Variants in ZBTB16 observed in about 807,000 individuals in gnomAD.
ZBTB16 encodes zinc finger and BTB domain containing 16.
ZBTB16 carries 8 observed loss-of-function variants against 56.8 expected under a neutral mutation model. The ratio of observed to expected loss-of-function variants is 0.14; its 90% CI spans 0.08 to 0.25. ZBTB16 has a LOEUF of 0.25. Among genes scored for constraint, ZBTB16 ranks in the 10% least tolerant of loss-of-function variants. The pLI, the probability that ZBTB16 is intolerant of heterozygous loss-of-function variation, is 1.00. For synonymous variants in ZBTB16, 363 were observed against 368.5 expected, an observed-to-expected ratio of 0.98 and a Z score of 0.17; for missense variants, 625 against 903.0, an observed-to-expected ratio of 0.69 and a Z score of 3.95.
At chr11:114,243,864 A>G (rs1565706515) in intron 5 of ZBTB16, among the ~76,000 whole-genome samples, 1 of 152,212 alleles carries the variant, frequency 6.6e-6, no homozygotes, top group South Asian at 2.1e-4. Context: ...TGACCATGCC[A>G]CCTTCTCAGA....
In ZBTB16 at chr11:114,253,566, C is replaced by T. The variant is rs1232122468; in HGVS notation, c.*3011C>T. On this transcript the variant is annotated 3_prime_UTR_variant, in exon 7 of 7. Transcript: ENST00000335953. ...TGGTACTAAATCAGCACCTGGATGC[C>T]CCACCCAACCCCGTGGGCCCTGCAG... Among the ~76,000 whole-genome samples, 1 of 152,142 alleles carries T rather than the reference C, an allele frequency of 6.6e-6. No homozygotes were observed. The highest frequency in any genetic ancestry group is 1.9e-4 in the East Asian group (1 of 5,186).
chr11:114,127,340 A>G (rs1255235321), intron 2 of ZBTB16, among the ~76,000 whole-genome samples: 1 of 152,182 alleles, frequency 6.6e-6, no homozygotes, highest in Non-Finnish European at 1.5e-5. Context: ...TGTGCGTGTG[A>G]AAATTCCTCA....
At chr11:114,114,278 C>T (rs1434760591) in intron 2 of ZBTB16, among the ~76,000 whole-genome samples, 3 of 152,220 alleles carry the variant, frequency 2.0e-5, no homozygotes, top group Admixed American at 1.3e-4. Context: ...AGGAAATTTA[C>T]AAGCGATGTT....
At chr11:114,191,960 G>C (rs1201788292) in intron 4 of ZBTB16, among the ~76,000 whole-genome samples, 1 of 152,218 alleles carries the variant, frequency 6.6e-6, no homozygotes, top group African/African-American at 2.4e-5. Context: ...ACTGACCATA[G>C]AGAGTGTTGT....
chr11:114,063,923 C>G lies in ZBTB16; in HGVS notation c.623C>G (p.Thr208Ser). ...AAGGCTGCAGTGGACAGTTTGATGA[C>G]CATAGGACAGTCTCTCCTGCAGGGA... Reference protein sequence around the residue: ...PTKAAVDSLMTIGQSLLQGTL... With the variant: ...PTKAAVDSLMSIGQSLLQGTL... The change falls in exon 2 of 7, where the codon ACC (threonine) becomes AGC (serine). Residue 208 changes from threonine to serine, a missense_variant. This residue lies in a region of ZBTB16 where 384 missense variants were observed against 393.5 expected (regional missense o/e 0.98). Transcript: ENST00000335953. The surrounding 1 kb of genome is among the most constrained non-coding windows in gnomAD (Gnocchi z 6.5). 1 of 1,613,904 alleles carries G rather than the reference C, an allele frequency of 6.2e-7. No homozygotes were observed. Among genetic ancestry groups the G allele is most frequent in the Non-Finnish European group, 8.5e-7 (1 of 1,180,022 alleles).
At chr11:114,078,975 G>C (rs1475875813) in intron 2 of ZBTB16, among the ~76,000 whole-genome samples, 1 of 151,354 alleles carries the variant, frequency 6.6e-6, no homozygotes. Context: ...AATCGCTTGG[G>C]ATTACAGGTG....
rs755612134 is a variant in ZBTB16, at chr11:114,063,688, G to A, written c.388G>A (p.Asp130Asn). ...KMLETIQASD[D>N]NDTEATMADG... ...GCTGGAGACCATCCAGGCCTCAGACGACAATGACACGGAGGCCACCATGGC... is the reference window on the plus strand; with the variant it reads ...GCTGGAGACCATCCAGGCCTCAGACAACAATGACACGGAGGCCACCATGGC... The change falls in exon 2 of 7, where the codon GAC becomes AAC. Residue 130 changes from aspartate to asparagine, a missense_variant. By Grantham distance (23) the Asp-to-Asn change is conservative. Around this residue, in one of 6 missense-constraint regions of ZBTB16, gnomAD observed 384 missense variants for 393.5 expected, o/e 0.98. Transcript: ENST00000335953. The surrounding 1 kb of genome is among the most constrained non-coding windows in gnomAD (Gnocchi z 6.5). 23 of 1,613,960 alleles carry A rather than the reference G, an allele frequency of 1.4e-5. No individual in the cohort carries two copies. Among genetic ancestry groups the A allele is most frequent in the Admixed American group, 8.3e-5 (5 of 60,002 alleles).
At chr11:114,182,384 A>T (rs1447294145) in intron 3 of ZBTB16, among the ~76,000 whole-genome samples, 3 of 152,048 alleles carry the variant, frequency 2.0e-5, no homozygotes, top group Non-Finnish European at 4.4e-5. Context: ...TTTATCACTT[A>T]TCACCACCTG....
chr11:114,242,744 T>G (rs895252871), intron 5 of ZBTB16, among the ~76,000 whole-genome samples: 1 of 152,140 alleles, frequency 6.6e-6, no homozygotes, highest in South Asian at 2.1e-4. Context: ...CTGCCCTGCC[T>G]CCCACCACTC....
chr11:114,084,196 T>C (rs1314688297), intron 2 of ZBTB16, among the ~76,000 whole-genome samples: 1 of 152,188 alleles, frequency 6.6e-6, no homozygotes, highest in Non-Finnish European at 1.5e-5. Flanking sequence ...ATTTCATTTT[T>C]TGGTGGCAGT....
chr11:114,064,449 G>A lies in ZBTB16; in HGVS notation c.1149G>A (p.Glu383=), dbSNP rs866952200. 6.2e-6 allele frequency: 10 copies of A among 1,614,152 alleles called. 2 individuals carry two copies. The Middle Eastern group carries it at 1.6e-3, about 266-fold the overall frequency. ...TGCCCCAGGGCTTCATCCAGAGGGA[G>A]CTGTTCAGCAAGCTGGGGGAGCTGG... ...GLLPQGFIQR[E]LFSKLGELAV... The change falls in exon 2 of 7, where the codon GAG becomes GAA. Residue 383 remains glutamate, a synonymous_variant. Transcript: ENST00000335953. The surrounding 1 kb of genome is among the most constrained non-coding windows in gnomAD (Gnocchi z 4.2).
intron 4 of ZBTB16, among the ~76,000 whole-genome samples, chr11:114,194,205 T>C (rs749947540): frequency 2.6e-5 from 4 of 152,242 alleles, no homozygotes; most frequent in African/African-American, 4.8e-5. Context: ...AAGGCTGCCA[T>C]GTGGGAGTTC....
intron 4 of ZBTB16, among the ~76,000 whole-genome samples, chr11:114,229,482 A>G (rs1944394607): frequency 6.6e-6 from 1 of 152,166 alleles, no homozygotes; most frequent in Non-Finnish European, 1.5e-5. Flanking sequence ...TCCCTCCTGC[A>G]TATTAAACTT....
At chr11:114,198,510 A>T (rs1016009844) in intron 4 of ZBTB16, among the ~76,000 whole-genome samples, 1 of 151,814 alleles carries the variant, frequency 6.6e-6, no homozygotes, top group Non-Finnish European at 1.5e-5. Flanking sequence ...TCCATTGTTC[A>T]CCCTAGTGGC....
chr11:114,181,429 C>G (rs1459993045), intron 3 of ZBTB16, among the ~76,000 whole-genome samples: 2 of 152,230 alleles, frequency 1.3e-5, no homozygotes, highest in Non-Finnish European at 2.9e-5. Context: ...TCTGATCTGT[C>G]TGACCCAAAT....
At chr11:114,221,053 C>A (rs1242976035) in intron 4 of ZBTB16, among the ~76,000 whole-genome samples, 4 of 152,232 alleles carry the variant, frequency 2.6e-5, no homozygotes, top group African/African-American at 7.2e-5. Flanking sequence ...TGATGGCCAA[C>A]ATTTCAGTGG....
intron 2 of ZBTB16, among the ~76,000 whole-genome samples, chr11:114,151,929 C>A (rs1248366263): frequency 6.6e-6 from 1 of 152,176 alleles, no homozygotes; most frequent in East Asian, 1.9e-4. Context: ...CCTTGCTGCC[C>A]TTTATGCTGC....
At chr11:114,103,633 C>T (rs1329092453) in intron 2 of ZBTB16, among the ~76,000 whole-genome samples, 1 of 151,908 alleles carries the variant, frequency 6.6e-6, no homozygotes, top group Admixed American at 6.6e-5. Context: ...GTTGGTGCTC[C>T]CCCACCCTGT....
Position 114,247,182 on chromosome 11 carries a change from C to G in ZBTB16, c.1625-16C>G. 6.2e-7 allele frequency: 1 copy of G among 1,614,248 alleles called. No homozygotes were observed. The highest frequency in any genetic ancestry group is 1.7e-5 in the Admixed American group (1 of 60,034). ...AGGGAGAGGCAAAGGCCTGATCCAGCCCCTTGTCTCCACAGGCGACCACCC... is the reference window on the plus strand; with the variant it reads ...AGGGAGAGGCAAAGGCCTGATCCAGGCCCTTGTCTCCACAGGCGACCACCC... On this transcript the variant is annotated splice_polypyrimidine_tract_variant and intron_variant, in intron 5 of 6. Transcript: ENST00000335953.
Sources: allele counts gnomAD v4.1 joint callset (sites outside exome capture counted in the v4.1 genomes callset), GRCh38; gene constraint gnomAD v4.1.1; regional missense constraint gnomAD v4.1.1; non-coding constraint Gnocchi (gnomAD v3.1); transcripts MANE v1.5; gene names NCBI Gene and HGNC (gene_info 2026-07-23, HGNC 2026-07-21).